Variants in ANO5 observed in about 807,000 individuals in gnomAD.
ANO5 encodes the protein anoctamin 5.
Under a neutral mutation model 121.0 loss-of-function variants are expected in ANO5, and 109 were observed. The observed-to-expected ratio is 0.90, with a 90% confidence interval of 0.77 to 1.06. The LOEUF is 1.06. Ranked by LOEUF, ANO5 falls within the 50% of genes least tolerant of loss-of-function variation. ANO5 has a pLI of 0.00. For synonymous variants in ANO5, 406 were observed against 359.9 expected, an observed-to-expected ratio of 1.13 and a Z score of -1.45; for missense variants, 1,064 against 1,078.5, an observed-to-expected ratio of 0.99 and a Z score of 0.19.
chr11:22,222,457 T>A (rs1852685174), intron 5 of ANO5, among the ~76,000 whole-genome samples: 1 of 151,964 alleles, frequency 6.6e-6, no homozygotes, highest in South Asian at 2.1e-4. Flanking sequence ...TACTAATAAC[T>A]GCAACTCTTT....
At chr11:22,213,728 C>T (rs1852353900) in intron 3 of ANO5, among the ~76,000 whole-genome samples, 2 of 151,780 alleles carry the variant, frequency 1.3e-5, no homozygotes, top group Non-Finnish European at 2.9e-5. Flanking sequence ...TAGGTGAATC[C>T]ATTATTTGGA....
chr11:22,238,786 C>T (rs544555500), intron 8 of ANO5, among the ~76,000 whole-genome samples: 2 of 152,054 alleles, frequency 1.3e-5, no homozygotes, highest in East Asian at 1.9e-4. Context: ...TACATGTGCA[C>T]AATGTGCAGG....
At chr11:22,249,151 G>C (rs1034166211) in intron 9 of ANO5, among the ~76,000 whole-genome samples, 4 of 151,828 alleles carry the variant, frequency 2.6e-5, no homozygotes, top group African/African-American at 9.7e-5. Flanking sequence ...TCACTGAAAA[G>C]AATGAAAAAA....
At position 22,227,510 on chromosome 11, in the gene ANO5, T is replaced by TTGTG; in HGVS notation, c.572_573insTGTG (p.Ser192ValfsTer48). ...CATCCTGAATATTTTACTGCACAAT[T>TTGTG]CAGCAGACATCGGCAGGAGCTCTTC... On this transcript the variant is annotated frameshift_variant, in exon 7 of 22. Transcript: ENST00000324559. LOFTEE classifies it high-confidence loss of function. The TTGTG allele has an allele frequency of 6.2e-7, 1 of 1,613,608 alleles. No individual in the cohort carries two copies. The highest frequency in any genetic ancestry group is 8.5e-7 in the Non-Finnish European group (1 of 1,179,756).
chr11:22,278,469 AAT>A, intron 21 of ANO5, among the ~76,000 whole-genome samples: 1 of 150,896 alleles, frequency 6.6e-6, no homozygotes, highest in South Asian at 2.1e-4. Flanking sequence ...AACCTGGATT[AAT>A]ATCTTTTTTA....
chr11:22,250,421 C>T lies in ANO5; in HGVS notation c.1013+50C>T, dbSNP rs770313649. 2.5e-6 allele frequency: 4 copies of T among 1,603,968 alleles called. No individual in the cohort carries two copies. The African/African-American group carries it at 5.4e-5, about 21-fold the overall frequency. ...TAGAGAAAACATCTTTATCTTGTGCCAAATGAAGTTGTTGTTATTATTTCC... is the reference window on the plus strand; with the variant it reads ...TAGAGAAAACATCTTTATCTTGTGCTAAATGAAGTTGTTGTTATTATTTCC... On this transcript the variant is annotated intron_variant, in intron 10 of 21. Transcript: ENST00000324559.
chr11:22,262,181 C>A lies in ANO5; in HGVS notation c.1683C>A (p.Phe561Leu). The change falls in exon 16 of 22, where the codon TTC becomes TTA. Residue 561 changes from phenylalanine (F) to leucine (L), a missense_variant. Phe to Leu is a conservative substitution (Grantham distance 22, BLOSUM62 0). Transcript: ENST00000324559. ...EYESSLTLKM[F>L]LFQFVNFYSS... ...AGAGCAGTCTTACCTTGAAAATGTT[C>A]CTGTTTCAGTTTGTAAATTTTTACT... The A allele has an allele frequency of 6.2e-7, 1 of 1,613,836 alleles. No homozygotes were observed. Among genetic ancestry groups the A allele is most frequent in the Non-Finnish European group, 8.5e-7 (1 of 1,179,906 alleles).
At chr11:22,223,319 A>C (rs1372280481) in intron 5 of ANO5, among the ~76,000 whole-genome samples, 3 of 152,086 alleles carry the variant, frequency 2.0e-5, no homozygotes, top group Admixed American at 6.6e-5. Context: ...AACCAGGAGT[A>C]AGCTTGTGAG....
chr11:22,250,405 C>G, intron 10 of ANO5, 34 bp downstream of exon 10: 1 of 1,610,778 alleles, frequency 6.2e-7, no homozygotes, highest in Non-Finnish European at 8.5e-7. Context: ...ATAGAGAAAA[C>G]ATCTTTATCT....
intron 7 of ANO5, among the ~76,000 whole-genome samples, chr11:22,234,635 C>G (rs901550943): frequency 6.6e-6 from 1 of 152,010 alleles, no homozygotes; most frequent in Non-Finnish European, 1.5e-5. Context: ...TTTGAAGACC[C>G]CTTTGTACTC....
At chr11:22,204,166 T>C (rs781733470) in intron 2 of ANO5, among the ~76,000 whole-genome samples, 10 of 152,112 alleles carry the variant, frequency 6.6e-5, no homozygotes, top group African/African-American at 1.2e-4. Context: ...AATGTTAGTG[T>C]AGTCTGTGAT....
intron 12 of ANO5, 63 bp downstream of exon 12, chr11:22,251,074 A>G (rs1853800340): frequency 1.4e-6 from 2 of 1,445,902 alleles, no homozygotes; most frequent in Admixed American, 1.8e-5. Context: ...TTGCCTCCAT[A>G]TAACATATGA....
intron 14 of ANO5, among the ~76,000 whole-genome samples, chr11:22,258,210 A>G (rs954098835): frequency 1.3e-5 from 2 of 152,232 alleles, no homozygotes; most frequent in African/African-American, 4.8e-5. Flanking sequence ...GAGGTTAGTT[A>G]GCATGTTGAA....
chr11:22,250,365 C>G lies in ANO5; in HGVS notation c.1007C>G (p.Thr336Arg). The part of the protein sequence containing the change: ...IYGLLSMEHN[T>R]SSTEICDPEI... The stretch of plus-strand genomic sequence containing the variant: ...GGCTTATTATCAATGGAACATAACA[C>G]AAGCAGGTAAGTGCACCTGAGTTGC... Residue 336 changes from threonine to arginine, a missense_variant, in exon 10 of 22, where the codon ACA becomes AGA. Transcript: ENST00000324559. 5.0e-6 allele frequency: 8 copies of G among 1,613,448 alleles called. No homozygotes were observed. Among genetic ancestry groups the G allele is most frequent in the Non-Finnish European group, 5.1e-6 (6 of 1,179,652 alleles).
chr11:22,193,019 C>CG (rs1851694018), upstream of ANO5: 1 of 984,648 alleles, frequency 1.0e-6, no homozygotes, highest in African/African-American at 1.8e-5. Context: ...GGTCTGGAGG[C>CG]GGGGAAAGAG....
chr11:22,234,250 G>GC (rs1853141782), intron 7 of ANO5, among the ~76,000 whole-genome samples: 1 of 152,136 alleles, frequency 6.6e-6, no homozygotes, highest in Non-Finnish European at 1.5e-5. Flanking sequence ...TGAACAAGGT[G>GC]AATTTTTTCC....
chr11:22,210,666 C>T (rs1852248201), intron 2 of ANO5, among the ~76,000 whole-genome samples: 1 of 151,842 alleles, frequency 6.6e-6, no homozygotes, highest in South Asian at 2.1e-4. Context: ...GGGAATCCAC[C>T]ATATACAGAG....
At chr11:22,227,194 T>TG in intron 6 of ANO5, 108 bp from the exon 7 acceptor site, 1 of 1,427,058 alleles carries the variant, frequency 7.0e-7, no homozygotes, top group Non-Finnish European at 9.6e-7. Flanking sequence ...ATATTGAAAA[T>TG]GCTTTGATGT....
In ANO5 at chr11:22,282,796, G is replaced by C. The variant is rs944761180; in HGVS notation, c.*3031G>C. 1 of 152,124 alleles carries C rather than the reference G, an allele frequency of 6.6e-6. No homozygotes were observed. Among genetic ancestry groups the C allele is most frequent in the African/African-American group, 2.4e-5 (1 of 41,434 alleles). The allele number at this position is 152,124 out of a possible 1,614,324, so 9.4% of individuals were successfully genotyped here. On this transcript the variant is annotated 3_prime_UTR_variant, in exon 22 of 22. Transcript: ENST00000324559. Reference sequence around the variant, plus strand: ...TCTCTGTTGATTGACTCCAGTTGAAGGTGAGAAATCTGTACCAATCATTCA... The same window carrying C: ...TCTCTGTTGATTGACTCCAGTTGAACGTGAGAAATCTGTACCAATCATTCA...
Sources: gnomAD v4.1 joint callset for allele counts (sites outside exome capture counted in the v4.1 genomes callset) on GRCh38, gnomAD v4.1.1 for gene constraint, MANE v1.5 for transcripts, NCBI Gene and HGNC (gene_info 2026-07-23, HGNC 2026-07-21) for gene names.